Variants in TDRD10 observed in about 807,000 individuals in gnomAD.
The protein encoded by TDRD10 is tudor domain-containing protein 10.
TDRD10 carries 40 observed loss-of-function variants against 48.0 expected under a neutral mutation model. The observed-to-expected ratio is 0.83, with a 90% CI of 0.65 to 1.09. The LOEUF (loss-of-function observed/expected upper bound fraction) is 1.09, where lower values mean the gene tolerates loss of function less well. TDRD10 is among the 50% of genes least tolerant of loss of function. The pLI is 0.00. For synonymous variants in TDRD10, 162 were observed against 170.4 expected (o/e 0.95, Z 0.38); for missense variants, 378 against 434.7 (o/e 0.87, Z 1.16).
chr1:154,535,010 A>G (rs1356801275), intron 6 of TDRD10, among the ~76,000 whole-genome samples: 3 of 152,216 alleles, frequency 2.0e-5, no homozygotes, highest in Non-Finnish European at 2.9e-5. Context: ...CTAGGGATAA[A>G]GCTTTAGGAA....
At chr1:154,510,971 G>A (rs948224761) in intron 4 of TDRD10, among the ~76,000 whole-genome samples, 6 of 151,652 alleles carry the variant, frequency 4.0e-5, no homozygotes, top group Non-Finnish European at 7.4e-5. Flanking sequence ...GTGTGAACCC[G>A]GGAGGCGGAG....
At chr1:154,527,139 GA>G (rs1214043623) in intron 6 of TDRD10, among the ~76,000 whole-genome samples, 1 of 148,778 alleles carries the variant, frequency 6.7e-6, no homozygotes, top group Non-Finnish European at 1.5e-5. Context: ...TAGAACACCT[GA>G]CCTTAGGTGA....
At chr1:154,510,817 C>T (rs1012342468) in intron 4 of TDRD10, among the ~76,000 whole-genome samples, 24 of 151,658 alleles carry the variant, frequency 1.6e-4, no homozygotes, top group Admixed American at 9.8e-4. Context: ...GAGGCTGAGA[C>T]GGGTGGATCA....
At chr1:154,528,325 G>A (rs957729520) in intron 6 of TDRD10, among the ~76,000 whole-genome samples, 42 of 151,758 alleles carry the variant, frequency 2.8e-4, no homozygotes, top group Non-Finnish European at 5.4e-4. Flanking sequence ...TCCTGGGTTC[G>A]AGATTCTCCT....
chr1:154,537,732 T>C lies in TDRD10; in HGVS notation c.370-4292T>C, dbSNP rs145227524. Among the ~76,000 whole-genome samples the C allele has an allele frequency of 6.0e-4, 92 of 152,276 alleles. 1 individual carries two copies. The highest frequency in any genetic ancestry group is 1.2e-3 in the Non-Finnish European group (79 of 68,018). ...GATGGATGGTCCCACCTCCAAGCCT[T>C]CTGGCCACCAACCTTTGTATTTTTG... On this transcript the variant is annotated intron_variant, in intron 6 of 12. Coordinates refer to ENST00000368482, the MANE Select transcript of TDRD10 (RefSeq NM_182499.4).
chr1:154,544,813 G>A lies in TDRD10; in HGVS notation c.816G>A (p.Arg272=), dbSNP rs1334814540. ...CTGCCAGGTGTTGGGTGCTGGACAG[G>A]GTGGACACCTGGGCTGTGGTCATGT... The part of the protein sequence containing the change: ...HAWNRCWVLD[R]VDTWAVVMFI... Residue 272 remains arginine, a synonymous_variant, in exon 11 of 13, where the codon AGG becomes AGA. Coordinates refer to ENST00000368482, the MANE Select transcript of TDRD10 (RefSeq NM_182499.4). The A allele has an allele frequency of 4.3e-6, 7 of 1,614,158 alleles. No homozygotes were observed. Among genetic ancestry groups the A allele is most frequent in the Non-Finnish European group, 5.9e-6 (7 of 1,180,028 alleles).
intron 4 of TDRD10, among the ~76,000 whole-genome samples, chr1:154,513,016 T>G (rs565284334): frequency 6.6e-6 from 1 of 152,308 alleles, no homozygotes; most frequent in East Asian, 1.9e-4. Flanking sequence ...GGAATGGCCA[T>G]GAATTGAGAA....
At chr1:154,509,910 C>T (rs894195799) in intron 4 of TDRD10, 39 of 973,894 alleles carry the variant, frequency 4.0e-5, no homozygotes, top group Middle Eastern at 5.2e-4. Context: ...CTCTTCCCCC[C>T]TCCCCAGTAG....
rs778294717 is a variant in TDRD10, at chr1:154,543,967, T to C, written c.508T>C (p.Ser170Pro). The change falls in exon 9 of 13, where the codon TCC becomes CCC. Residue 170 changes from serine to proline, a missense_variant. Physicochemically the swap from Ser to Pro is moderately conservative, Grantham distance 74. This residue lies in a region of TDRD10 where 310 missense variants were observed against 323.6 expected (regional missense o/e 0.96). Transcript: ENST00000368482. ...FFAVPLEMRGSFLVLLLRECF... is the reference protein window; with the variant it reads ...FFAVPLEMRGPFLVLLLRECF... ...CTCCCCTTGCTCTTCCCGCAGAGGG[T>C]CCTTCCTGGTGCTGCTCCTGAGGGA... The C allele has an allele frequency of 3.3e-5, 53 of 1,613,544 alleles. No individual in the cohort carries two copies. In the South Asian group the frequency reaches 5.8e-4, roughly 18 times the overall value.
chr1:154,510,315 G>A (rs1371852928), intron 4 of TDRD10, among the ~76,000 whole-genome samples: 1 of 152,130 alleles, frequency 6.6e-6, no homozygotes, highest in Non-Finnish European at 1.5e-5. Flanking sequence ...GAAATGGGCT[G>A]GGTGCGGTCG....
intron 4 of TDRD10, among the ~76,000 whole-genome samples, chr1:154,518,011 G>A (rs1348834278): frequency 9.2e-5 from 14 of 152,200 alleles, no homozygotes; most frequent in Non-Finnish European, 1.5e-5. Context: ...AGTTGGACGG[G>A]CATGAAATTA....
chr1:154,508,619 T>C, intron 4 of TDRD10, 138 bp downstream of exon 4: 1 of 672,324 alleles, frequency 1.5e-6, no homozygotes, highest in South Asian at 1.7e-5. Context: ...CGTTGGTGAC[T>C]AGGGTAACCA....
intron 6 of TDRD10, among the ~76,000 whole-genome samples, chr1:154,532,948 G>A (rs1042338962): frequency 6.6e-6 from 1 of 150,890 alleles, no homozygotes; most frequent in Non-Finnish European, 1.5e-5. Context: ...GGAAAGTCTT[G>A]ACTCTCCACT....
At chr1:154,544,732 G>A (rs1227877636) in intron 10 of TDRD10, 63 bp from the exon 11 acceptor site, 3 of 1,576,674 alleles carry the variant, frequency 1.9e-6, no homozygotes, top group African/African-American at 2.7e-5. Context: ...ACTTTGTTGA[G>A]GACTGCTGTG....
chr1:154,529,694 C>T (rs1227382606), intron 6 of TDRD10, among the ~76,000 whole-genome samples: 2 of 151,042 alleles, frequency 1.3e-5, no homozygotes, highest in African/African-American at 4.9e-5. Flanking sequence ...TATAGGCGCC[C>T]ACCACCACAC....
intron 4 of TDRD10, among the ~76,000 whole-genome samples, chr1:154,515,352 A>T (rs1693703159): frequency 6.6e-6 from 1 of 152,162 alleles, no homozygotes; most frequent in East Asian, 1.9e-4. Context: ...CATAGCAGCC[A>T]GAGTGATCCC....
At chr1:154,533,353 GTT>G (rs75204432) in intron 6 of TDRD10, among the ~76,000 whole-genome samples, 17,023 of 134,268 alleles carry the variant, frequency 0.13, 1,151 homozygotes, top group South Asian at 0.18. Flanking sequence ...CTTTTGTTGG[GTT>G]TTTTTTTTTT....
chr1:154,526,411 T>C (rs1694318990), intron 6 of TDRD10, among the ~76,000 whole-genome samples: 1 of 109,500 alleles, frequency 9.1e-6, no homozygotes, highest in Admixed American at 1.3e-4. Flanking sequence ...AAAACAACTT[T>C]CACAGATTTT....
intron 6 of TDRD10, among the ~76,000 whole-genome samples, chr1:154,527,618 G>C (rs1694382154): frequency 6.6e-6 from 1 of 152,060 alleles, no homozygotes; most frequent in Admixed American, 6.6e-5. Context: ...GATAGAATGA[G>C]ATTTGTCAAG....
Sources: allele counts gnomAD v4.1 joint callset (sites outside exome capture counted in the v4.1 genomes callset), GRCh38; gene constraint gnomAD v4.1.1; regional missense constraint gnomAD v4.1.1; transcripts MANE v1.5; gene names NCBI Gene and HGNC (gene_info 2026-07-23, HGNC 2026-07-21).